The following ROBO2 variants were observed in gnomAD, a reference collection of about 807,000 sequenced individuals.
ROBO2 encodes the protein roundabout homolog 2.
Under a neutral mutation model 160.8 loss-of-function variants are expected in ROBO2, and 53 were observed. The ratio of observed to expected loss-of-function variants is 0.33; its 90% confidence interval spans 0.26 to 0.41. The LOEUF is 0.41. ROBO2 is among the 10% of genes least tolerant of loss of function. The pLI, the probability that ROBO2 is intolerant of heterozygous loss-of-function variation, is 1.00. For missense variants in ROBO2, 1,577 were observed against 1,722.4 expected (o/e 0.92, Z 1.49); for synonymous variants, 664 against 611.7 (o/e 1.09, Z -1.26).
intron 2 of ROBO2, among the ~76,000 whole-genome samples, chr3:77,366,553 T>C (rs1010971771): frequency 6.6e-6 from 1 of 152,158 alleles, no homozygotes; most frequent in African/African-American, 2.4e-5. Flanking sequence ...CTAGGGTTCA[T>C]AAGTGTCTCA....
At chr3:76,137,393 A>G (rs1343226590) in intron 2 of ROBO2, among the ~76,000 whole-genome samples, 1 of 152,018 alleles carries the variant, frequency 6.6e-6, no homozygotes, top group Non-Finnish European at 1.5e-5. Flanking sequence ...TGATGTTAAC[A>G]TTGTTCTCAT....
Position 76,624,659 on chromosome 3 carries a change from G to A in ROBO2, c.110-473355G>A, listed in dbSNP as rs138133018. Among the ~76,000 whole-genome samples, 147 of 151,602 alleles carry A rather than the reference G, an allele frequency of 9.7e-4. 4 individuals are homozygous for A. In the East Asian group the frequency reaches 0.022, roughly 23 times the overall value. ...ACTAAAAATACAAAAAATTAGCCGG[G>A]CATGGTGGCATCCCTGTAATCCCAG... On this transcript the variant is annotated intron_variant, in intron 2 of 26. Coordinates refer to the ROBO2 transcript ENST00000487694.
chr3:77,276,643 T>C (rs1223043682), intron 2 of ROBO2, among the ~76,000 whole-genome samples: 1 of 152,168 alleles, frequency 6.6e-6, no homozygotes, highest in Non-Finnish European at 1.5e-5. Flanking sequence ...TTCCAGCTAC[T>C]CGGGAGGCTT....
chr3:77,227,171 TAGTTA>T (rs2086598756), intron 2 of ROBO2, among the ~76,000 whole-genome samples: 1 of 152,126 alleles, frequency 6.6e-6, no homozygotes, highest in Non-Finnish European at 1.5e-5. Context: ...CTTTTCTTAG[TAGTTA>T]AGTTGTTTTA....
intron 1 of ROBO2, among the ~76,000 whole-genome samples, chr3:77,074,801 A>G (rs973460906): frequency 6.6e-6 from 1 of 152,200 alleles, no homozygotes; most frequent in African/African-American, 2.4e-5. Flanking sequence ...TTAGCACAAC[A>G]TAAATGTCTC....
chr3:76,995,291 A>G (rs1156715890), intron 2 of ROBO2, among the ~76,000 whole-genome samples: 3 of 152,094 alleles, frequency 2.0e-5, no homozygotes, highest in East Asian at 1.9e-4. Flanking sequence ...ATCCTTTTTT[A>G]TGGCTGCATA....
Position 77,227,810 on chromosome 3 carries a change from GTC to G in ROBO2, c.388+129471_388+129472del, listed in dbSNP as rs2151256586. ...ATTGTTCTTTCAACTGCCTTACTCT[GTC>G]ATTGACTGTCAAGTCAGTCAAAATA... On this transcript the variant is annotated intron_variant, in intron 2 of 25. Coordinates refer to ENST00000461745, the Ensembl canonical transcript of ROBO2. Among the ~76,000 whole-genome samples, 3 of 152,320 alleles carry G rather than the reference GTC, an allele frequency of 2.0e-5. No individual in the cohort carries two copies. In the South Asian group the frequency reaches 6.2e-4, roughly 32 times the overall value.
intron 2 of ROBO2, among the ~76,000 whole-genome samples, chr3:76,627,749 A>G (rs1237486811): frequency 6.6e-6 from 1 of 152,244 alleles, no homozygotes; most frequent in Admixed American, 6.5e-5. Context: ...AGTTCAATGT[A>G]TAAATGAAGT....
intron 2 of ROBO2, among the ~76,000 whole-genome samples, chr3:77,450,288 C>T (rs762825362): frequency 6.6e-5 from 10 of 152,030 alleles, no homozygotes; most frequent in Non-Finnish European, 1.3e-4. Flanking sequence ...ATGTTGATCA[C>T]GCAGCTTCAA....
At chr3:76,426,138 C>G (rs912013715) in intron 2 of ROBO2, among the ~76,000 whole-genome samples, 2 of 151,898 alleles carry the variant, frequency 1.3e-5, no homozygotes, top group Admixed American at 1.3e-4. Flanking sequence ...AGGAGAAATC[C>G]GGTTTTTGAA....
In ROBO2 at chr3:76,521,045, C is replaced by CTTTT. The variant is rs58517740; in HGVS notation, c.110-576949_110-576946dup. Among the ~76,000 whole-genome samples the CTTTT allele has an allele frequency of 7.2e-3, 717 of 100,012 alleles. 3 individuals are homozygous for CTTTT. The highest frequency in any genetic ancestry group is 0.013 in the East Asian group (44 of 3,304). 65.6% of individuals were successfully genotyped at this position (100,012 alleles called of 152,430 possible). A position where few individuals can be genotyped will look rare whatever the true frequency, so the allele number is the denominator to read the frequency against. On this transcript the variant is annotated intron_variant, in intron 2 of 26. Coordinates refer to the ROBO2 transcript ENST00000487694. ...AAAACAGTTGCAACAAAAATTGCTT[C>CTTTT]TTTTTTTTTTTTTTTTTTTTTTTGA...
At position 76,351,052 on chromosome 3, in the gene ROBO2, T is replaced by A. The variant is rs146634647; in HGVS notation, c.109+413450T>A. Among the ~76,000 whole-genome samples the A allele has an allele frequency of 1.9e-4, 29 of 152,086 alleles. No individual in the cohort carries two copies. In the East Asian group the frequency reaches 4.3e-3, roughly 22 times the overall value. Reference sequence around the variant, plus strand: ...ATTAGCCTTTATGTTTTACTAGATATGTTTTTAAGTTAATTTTTACTAAAC... The same window carrying A: ...ATTAGCCTTTATGTTTTACTAGATAAGTTTTTAAGTTAATTTTTACTAAAC... On this transcript the variant is annotated intron_variant, in intron 2 of 26. Transcript: ENST00000487694.
At chr3:77,058,295 T>G (rs2149744265) in intron 1 of ROBO2, among the ~76,000 whole-genome samples, 1 of 152,304 alleles carries the variant, frequency 6.6e-6, no homozygotes, top group South Asian at 2.1e-4. Context: ...CACTAATGTT[T>G]AGTTACCTGG....
chr3:76,617,689 C>G (rs2088704665), intron 2 of ROBO2, among the ~76,000 whole-genome samples: 1 of 151,980 alleles, frequency 6.6e-6, no homozygotes, highest in Non-Finnish European at 1.5e-5. Context: ...TGATTAAAGA[C>G]CTATAGACCA....
chr3:76,924,706 G>C (rs964930242), intron 2 of ROBO2, among the ~76,000 whole-genome samples: 3 of 152,158 alleles, frequency 2.0e-5, no homozygotes, highest in African/African-American at 7.2e-5. Context: ...GCAGGCATTC[G>C]TGTAGTTCTG....
chr3:77,289,022 T>A (rs1297765711), intron 2 of ROBO2, among the ~76,000 whole-genome samples: 1 of 152,174 alleles, frequency 6.6e-6, no homozygotes, highest in African/African-American at 2.4e-5. Flanking sequence ...TGGTGAGTTT[T>A]GTTTCTGTGT....
rs779006162 is a variant in ROBO2, at chr3:77,108,251, C to CAT, written c.388+9918_388+9919dup. Among the ~76,000 whole-genome samples the CAT allele has an allele frequency of 6.1e-4, 74 of 121,306 alleles. 2 individuals carry two copies. The highest frequency in any genetic ancestry group is 1.8e-3 in the African/African-American group (54 of 29,550). 79.6% of individuals were successfully genotyped at this position (121,306 alleles called of 152,430 possible). ...ATGCATATATATGTATACACATATGCATATATATGTATACACATATGCATA... is the reference window on the plus strand; with the variant it reads ...ATGCATATATATGTATACACATATGCATATATATATGTATACACATATGCATA... On this transcript the variant is annotated intron_variant, in intron 2 of 25. Coordinates refer to ENST00000461745, the Ensembl canonical transcript of ROBO2.
chr3:77,270,769 C>A (rs1427685249), intron 2 of ROBO2, among the ~76,000 whole-genome samples: 1 of 151,904 alleles, frequency 6.6e-6, no homozygotes, highest in Non-Finnish European at 1.5e-5. Context: ...ATGGTGAAAC[C>A]CCGTCTCTAC....
chr3:76,591,526 C>T (rs2086417197), intron 2 of ROBO2, among the ~76,000 whole-genome samples: 1 of 152,056 alleles, frequency 6.6e-6, no homozygotes. Flanking sequence ...ATATATTTTT[C>T]CTGTCCAATA....
Sources: allele counts gnomAD v4.1 joint callset (sites outside exome capture counted in the v4.1 genomes callset), GRCh38; gene constraint gnomAD v4.1.1; transcripts MANE v1.5; gene names NCBI Gene and HGNC (gene_info 2026-07-23, HGNC 2026-07-21).